Variants in ADRA1A observed in about 807,000 individuals in gnomAD.
ADRA1A encodes the protein adrenoceptor alpha 1A.
In ADRA1A, 31 loss-of-function variants were observed where a neutral mutation model predicts 29.6. The observed-to-expected ratio is 1.05, with a 90% CI of 0.79 to 1.41. ADRA1A has a LOEUF of 1.41. Among genes scored for constraint, ADRA1A ranks in the 40% most tolerant of loss-of-function variants. The pLI is 0.00. For missense variants in ADRA1A, 619 were observed against 601.1 expected, an observed-to-expected ratio of 1.03 and a Z score of -0.31; for synonymous variants, 311 against 254.3, an observed-to-expected ratio of 1.22 and a Z score of -2.12.
intron 2 of ADRA1A, among the ~76,000 whole-genome samples, chr8:26,857,398 G>A (rs1045344390): frequency 4.6e-5 from 7 of 152,132 alleles, no homozygotes; most frequent in African/African-American, 1.7e-4. Flanking sequence ...CAGGTGTGGT[G>A]ACTCATGCCT....
intron 2 of ADRA1A, among the ~76,000 whole-genome samples, chr8:26,827,671 C>G (rs1404795256): frequency 1.4e-5 from 2 of 148,100 alleles, no homozygotes; most frequent in Non-Finnish European, 3.0e-5. Flanking sequence ...TTTATTTTTT[C>G]TTAGCAACAG....
Position 26,821,761 on chromosome 8 carries a change from C to A in ADRA1A, c.883+42326G>T, listed in dbSNP as rs1810186560. 8.8e-6 allele frequency among the ~76,000 whole-genome samples: 1 copy of A among 113,820 alleles called. No homozygotes were observed. Among genetic ancestry groups the A allele is most frequent in the African/African-American group, 2.8e-5 (1 of 35,132 alleles). The allele number at this position is 113,820 out of a possible 152,430, so 74.7% of individuals were successfully genotyped here. ...CATACCCACTTCCCTTCTGCCCCAC[C>A]CCGATCTTCACTCCTGGAAATCACT... On this transcript the variant is annotated intron_variant, in intron 2 of 2. Coordinates refer to ENST00000380573, the MANE Select transcript of ADRA1A (RefSeq NM_000680.4). This position sits in a 1 kb window ranked among gnomAD's most constrained non-coding sequence, Gnocchi z 5.6.
chr8:26,781,218 AAG>A (rs1806957240), intron 2 of ADRA1A, among the ~76,000 whole-genome samples: 1 of 152,160 alleles, frequency 6.6e-6, no homozygotes, highest in Admixed American at 6.5e-5. Flanking sequence ...CCCTTGAAGG[AAG>A]AGCTTCCTGT....
At chr8:26,810,394 G>A (rs1460440685) in intron 2 of ADRA1A, among the ~76,000 whole-genome samples, 1 of 152,224 alleles carries the variant, frequency 6.6e-6, no homozygotes, top group Non-Finnish European at 1.5e-5. Context: ...TCACTGGGGA[G>A]AGAGATTGCA....
chr8:26,864,404 G>C lies in ADRA1A; in HGVS notation c.566C>G (p.Ala189Gly). 6.2e-7 allele frequency: 1 copy of C among 1,613,500 alleles called. No homozygotes were observed. The highest frequency in any genetic ancestry group is 1.7e-5 in the Admixed American group (1 of 60,024). The change falls in exon 2 of 3, where the codon GCG (alanine) becomes GGG (glycine). Residue 189 changes from alanine to glycine, a missense_variant. Coordinates refer to ENST00000380573, the MANE Select transcript of ADRA1A (RefSeq NM_000680.4). This position sits in a 1 kb window ranked among gnomAD's most constrained non-coding sequence, Gnocchi z 8.1. ...NEEPGYVLFS[A>G]LGSFYLPLAI... is the part of the protein sequence containing the mutation. ...CAGAGGCAGGTAGAAGGAGCCCAGC[G>C]CTGAGAAGAGCACGTAGCCCGGCTC...
Position 26,864,029 on chromosome 8 carries a change from A to C in ADRA1A, c.883+58T>G. The C allele has an allele frequency of 6.5e-7, 1 of 1,533,204 alleles. No homozygotes were observed. Among genetic ancestry groups the C allele is most frequent in the Non-Finnish European group, 8.8e-7 (1 of 1,136,612 alleles). The allele number at this position is 1,533,204 out of a possible 1,614,324, so 95.0% of individuals were successfully genotyped here. A position where few individuals can be genotyped will look rare whatever the true frequency, so the allele number is the denominator to read the frequency against. On this transcript the variant is annotated intron_variant, in intron 2 of 2. Transcript: ENST00000380573. This position sits in a 1 kb window ranked among gnomAD's most constrained non-coding sequence, Gnocchi z 8.1. Reference sequence around the variant, plus strand: ...TCCCGGACTGGGAGTCTGGGGTAACAGAAGCCGAGGAGGGTGAAGACCCCC... The same window carrying C: ...TCCCGGACTGGGAGTCTGGGGTAACCGAAGCCGAGGAGGGTGAAGACCCCC...
intron 2 of ADRA1A, among the ~76,000 whole-genome samples, chr8:26,813,733 A>AT (rs1198609448): frequency 1.3e-5 from 2 of 151,816 alleles, no homozygotes; most frequent in African/African-American, 4.9e-5. Flanking sequence ...ATAAGGTGGC[A>AT]TTTTTTCTCA....
At chr8:26,828,589 T>C (rs1378199165) in intron 2 of ADRA1A, among the ~76,000 whole-genome samples, 1 of 152,188 alleles carries the variant, frequency 6.6e-6, no homozygotes, top group East Asian at 1.9e-4. Context: ...GAGGCACAGG[T>C]CTGTGATGCC....
intron 2 of ADRA1A, among the ~76,000 whole-genome samples, chr8:26,817,430 A>C (rs1006533953): frequency 6.6e-6 from 1 of 152,228 alleles, no homozygotes; most frequent in Non-Finnish European, 1.5e-5. Flanking sequence ...TATTGCTTAA[A>C]AGAATGCAAA....
intron 2 of ADRA1A, among the ~76,000 whole-genome samples, chr8:26,844,779 A>G (rs916894135): frequency 1.1e-4 from 17 of 152,340 alleles, no homozygotes; most frequent in Middle Eastern, 3.4e-3. Flanking sequence ...AGGAGAAACT[A>G]TAACTCTTAG....
At chr8:26,776,876 C>A (rs1806584893) in intron 2 of ADRA1A, among the ~76,000 whole-genome samples, 1 of 152,158 alleles carries the variant, frequency 6.6e-6, no homozygotes, top group African/African-American at 2.4e-5. Context: ...AGAAAATAAT[C>A]TTTAATTGTT....
At chr8:26,752,775 C>T (rs1160583113), downstream of ADRA1A, among the ~76,000 whole-genome samples, 1 of 152,120 alleles carries the variant, frequency 6.6e-6, no homozygotes, top group African/African-American at 2.4e-5. Context: ...AAATGACAGC[C>T]ACAAAAACCC....
At position 26,825,895 on chromosome 8, in the gene ADRA1A, C is replaced by T. The variant is rs773321794; in HGVS notation, c.883+38192G>A. ...TGGTGTTTGCATGAGGACATGAGCC[C>T]CATTCCTTGAATTCCTACAATGTCC... On this transcript the variant is annotated intron_variant, in intron 2 of 2. Coordinates refer to ENST00000380573, the MANE Select transcript of ADRA1A (RefSeq NM_000680.4). The surrounding 1 kb of genome is among the most constrained non-coding windows in gnomAD (Gnocchi z 5.7). 6.6e-6 allele frequency among the ~76,000 whole-genome samples: 1 copy of T among 152,192 alleles called. No homozygotes were observed. The highest frequency in any genetic ancestry group is 1.5e-5 in the Non-Finnish European group (1 of 68,032).
At chr8:26,849,488 T>TA (rs1169596609) in intron 2 of ADRA1A, among the ~76,000 whole-genome samples, 1 of 152,226 alleles carries the variant, frequency 6.6e-6, no homozygotes, top group Non-Finnish European at 1.5e-5. Context: ...AAACAGCCTT[T>TA]GCTGTGCAAA....
At chr8:26,809,316 G>A (rs746337313) in intron 2 of ADRA1A, among the ~76,000 whole-genome samples, 4 of 152,058 alleles carry the variant, frequency 2.6e-5, no homozygotes, top group Admixed American at 6.5e-5. Flanking sequence ...GTACTGAAAA[G>A]CCAACAGTTT....
At chr8:26,758,279 C>T (rs1444886961) in intron 2 of ADRA1A, among the ~76,000 whole-genome samples, 3 of 152,106 alleles carry the variant, frequency 2.0e-5, no homozygotes, top group African/African-American at 7.2e-5. Context: ...GTGGGGATGA[C>T]CAGCTCCTGG....
At position 26,823,498 on chromosome 8, in the gene ADRA1A, A is replaced by G. The variant is rs2130607629; in HGVS notation, c.883+40589T>C. Among the ~76,000 whole-genome samples, 1 of 152,312 alleles carries G rather than the reference A, an allele frequency of 6.6e-6. No individual in the cohort carries two copies. The highest frequency in any genetic ancestry group is 1.9e-4 in the East Asian group (1 of 5,182). ...TGACAGGTAATTATTGTTCTCTCAT[A>G]AAAACTGAATTCTATGAAGAACAAA... On this transcript the variant is annotated intron_variant, in intron 2 of 2. Transcript: ENST00000380573. This position sits in a 1 kb window ranked among gnomAD's most constrained non-coding sequence, Gnocchi z 4.2.
chr8:26,820,130 G>C (rs566224418), intron 2 of ADRA1A, among the ~76,000 whole-genome samples: 6 of 152,014 alleles, frequency 3.9e-5, no homozygotes, highest in Non-Finnish European at 8.8e-5. Flanking sequence ...GAGAAATAGA[G>C]AGCAATATAA....
chr8:26,864,675 A>T lies in ADRA1A; in HGVS notation c.295T>A (p.Cys99Ser). ...ACATCCACTGCCGCCCAGATGTTGC[A>T]GAAGACCCTGCCGAAGGCCCAGTAG... ...LGYWAFGRVF[C>S]NIWAAVDVLC... Residue 99 changes from cysteine to serine, a missense_variant, in exon 2 of 3, where the codon TGC (cysteine) becomes AGC (serine). By Grantham distance (112) the Cys-to-Ser change is moderately radical (BLOSUM62 -1). Coordinates refer to ENST00000380573, the MANE Select transcript of ADRA1A (RefSeq NM_000680.4). The surrounding 1 kb of genome is among the most constrained non-coding windows in gnomAD (Gnocchi z 8.1). 1 of 1,614,182 alleles carries T rather than the reference A, an allele frequency of 6.2e-7. No homozygotes were observed. The highest frequency in any genetic ancestry group is 8.5e-7 in the Non-Finnish European group (1 of 1,180,038).
Sources: gnomAD v4.1 joint callset for allele counts (sites outside exome capture counted in the v4.1 genomes callset) on GRCh38, gnomAD v4.1.1 for gene constraint, Gnocchi (gnomAD v3.1) non-coding constraint, MANE v1.5 for transcripts, NCBI Gene and HGNC (gene_info 2026-07-23, HGNC 2026-07-21) for gene names.